Variants in CTNNA3 observed in about 807,000 individuals in gnomAD.
CTNNA3 encodes catenin alpha 3, also known as catenin alpha-3.
In CTNNA3, 76 loss-of-function variants were observed where a neutral mutation model predicts 95.7. That is an observed-to-expected ratio of 0.79 (90% CI 0.66 to 0.96). The LOEUF (loss-of-function observed/expected upper bound fraction) is 0.96. Among genes scored for constraint, CTNNA3 ranks in the 40% least tolerant of loss-of-function variants. The pLI is 0.00. For missense variants in CTNNA3, 1,191 were observed against 1,089.8 expected, an observed-to-expected ratio of 1.09 and a Z score of -1.31; for synonymous variants, 431 against 374.4, an observed-to-expected ratio of 1.15 and a Z score of -1.74.
intron 17 of CTNNA3, among the ~76,000 whole-genome samples, chr10:65,961,758 TA>T (rs35657395): frequency 0.16 from 22,833 of 145,984 alleles, 1,952 homozygotes; most frequent in South Asian, 0.28. Context: ...GAATAGTTTG[TA>T]AAAAAAAAAA....
At chr10:66,632,075 T>C (rs1286606183) in intron 9 of CTNNA3, among the ~76,000 whole-genome samples, 1 of 152,020 alleles carries the variant, frequency 6.6e-6, no homozygotes, top group Non-Finnish European at 1.5e-5. Flanking sequence ...CTTAATGATA[T>C]AAAAAGAGAA....
At chr10:67,367,202 T>C (rs1203805801) in intron 5 of CTNNA3, among the ~76,000 whole-genome samples, 1 of 151,992 alleles carries the variant, frequency 6.6e-6, no homozygotes, top group Non-Finnish European at 1.5e-5. Flanking sequence ...TGGTCTAAAA[T>C]CCAGACTCTA....
intron 7 of CTNNA3, among the ~76,000 whole-genome samples, chr10:66,876,336 AATG>A (rs1844620483): frequency 6.6e-6 from 1 of 152,170 alleles, no homozygotes; most frequent in Non-Finnish European, 1.5e-5. Flanking sequence ...TAGGAAATTA[AATG>A]AAATTGAGAT....
At chr10:66,967,536 C>T (rs1849499390) in intron 7 of CTNNA3, among the ~76,000 whole-genome samples, 1 of 152,138 alleles carries the variant, frequency 6.6e-6, no homozygotes, top group South Asian at 2.1e-4. Flanking sequence ...TCAACCACTA[C>T]TTGCATCTGC....
chr10:66,633,186 C>T (rs1845206009), intron 9 of CTNNA3, among the ~76,000 whole-genome samples: 3 of 152,082 alleles, frequency 2.0e-5, no homozygotes, highest in Admixed American at 2.0e-4. Context: ...GAAATACTTG[C>T]ATATGTGAAC....
intron 5 of CTNNA3, among the ~76,000 whole-genome samples, chr10:67,515,083 A>T (rs1839770342): frequency 6.6e-6 from 1 of 152,144 alleles, no homozygotes; most frequent in African/African-American, 2.4e-5. Context: ...TTAACTATCC[A>T]ATGTGGAAAT....
intron 5 of CTNNA3, among the ~76,000 whole-genome samples, chr10:67,350,333 G>C (rs1178360661): frequency 6.6e-6 from 1 of 151,946 alleles, no homozygotes; most frequent in Non-Finnish European, 1.5e-5. Flanking sequence ...GGATTGCTGG[G>C]GACAATGTAT....
intron 14 of CTNNA3, among the ~76,000 whole-genome samples, chr10:66,082,690 T>G (rs1016757143): frequency 6.6e-6 from 1 of 152,174 alleles, no homozygotes; most frequent in African/African-American, 2.4e-5. Context: ...CTCTGTACTT[T>G]TTTCAGCTTT....
chr10:66,515,709 A>G (rs1840827362), intron 11 of CTNNA3, among the ~76,000 whole-genome samples: 1 of 152,088 alleles, frequency 6.6e-6, no homozygotes, highest in Non-Finnish European at 1.5e-5. Flanking sequence ...TTTTCACATC[A>G]TGGCAGGAAG....
In CTNNA3 at chr10:66,149,137, ATATC is replaced by A. The variant is rs2084052978; in HGVS notation, c.1885-45892_1885-45889del. ...TATCTAAATATGAATAAATGCATAT[ATATC>A]TAACGCATATATATGTATATATAAA... On this transcript the variant is annotated intron_variant, in intron 13 of 17. Coordinates refer to ENST00000433211, the MANE Select transcript of CTNNA3 (RefSeq NM_013266.4). Among the ~76,000 whole-genome samples the A allele has an allele frequency of 3.4e-5, 5 of 149,202 alleles. No homozygotes were observed. In the South Asian group the frequency reaches 1.1e-3, roughly 32 times the overall value.
At chr10:67,294,850 T>C (rs1839974043) in intron 5 of CTNNA3, among the ~76,000 whole-genome samples, 1 of 152,192 alleles carries the variant, frequency 6.6e-6, no homozygotes, top group African/African-American at 2.4e-5. Flanking sequence ...TTGTGATTAT[T>C]TACAGCCCTA....
intron 7 of CTNNA3, among the ~76,000 whole-genome samples, chr10:66,910,361 G>A (rs529555778): frequency 7.2e-5 from 11 of 152,182 alleles, no homozygotes; most frequent in East Asian, 1.9e-4. Flanking sequence ...TCATGGCCTC[G>A]CTTAAAGCAT....
chr10:66,855,312 G>C (rs926222928), intron 7 of CTNNA3, among the ~76,000 whole-genome samples: 1 of 151,968 alleles, frequency 6.6e-6, no homozygotes, highest in Non-Finnish European at 1.5e-5. Context: ...TATCCGTGGA[G>C]CCTGGGCATA....
chr10:66,776,134 T>C (rs941526033), intron 7 of CTNNA3, among the ~76,000 whole-genome samples: 2 of 152,222 alleles, frequency 1.3e-5, no homozygotes, highest in African/African-American at 4.8e-5. Context: ...CTCTCTGTTA[T>C]ATCCTTAACC....
chr10:66,076,695 T>G (rs1158356884), intron 14 of CTNNA3, among the ~76,000 whole-genome samples: 1 of 151,722 alleles, frequency 6.6e-6, no homozygotes, highest in Non-Finnish European at 1.5e-5. Context: ...AATTATCAGG[T>G]ATATTTGACT....
intron 7 of CTNNA3, among the ~76,000 whole-genome samples, chr10:66,979,437 T>A (rs1453160206): frequency 2.6e-5 from 4 of 152,162 alleles, no homozygotes; most frequent in Admixed American, 6.6e-5. Context: ...AAAGAAAGAA[T>A]GAAAAATTTA....
intron 7 of CTNNA3, among the ~76,000 whole-genome samples, chr10:67,046,755 T>A (rs950904438): frequency 6.6e-6 from 1 of 152,166 alleles, no homozygotes; most frequent in Non-Finnish European, 1.5e-5. Context: ...AATCTAGTTC[T>A]GAATAAATAA....
At chr10:67,493,319 T>C (rs1402848544) in intron 5 of CTNNA3, among the ~76,000 whole-genome samples, 4 of 152,062 alleles carry the variant, frequency 2.6e-5, no homozygotes, top group African/African-American at 9.7e-5. Context: ...TCCCAGCACT[T>C]GGGAGGCCGA....
intron 7 of CTNNA3, among the ~76,000 whole-genome samples, chr10:67,024,694 T>A (rs906643934): frequency 1.3e-5 from 2 of 152,206 alleles, no homozygotes; most frequent in African/African-American, 4.8e-5. Context: ...ATTGATCTTG[T>A]TAATGCTCAG....
Sources: allele counts gnomAD v4.1 joint callset (sites outside exome capture counted in the v4.1 genomes callset), GRCh38; gene constraint gnomAD v4.1.1; transcripts MANE v1.5; gene names NCBI Gene and HGNC (gene_info 2026-07-23, HGNC 2026-07-21).